CUL2: variants seen among roughly 807,000 people sequenced by gnomAD.
The protein encoded by CUL2 is cullin-2.
CUL2 carries 22 observed loss-of-function variants against 110.2 expected under a neutral mutation model. The observed-to-expected ratio is 0.20, with a 90% CI of 0.14 to 0.28. CUL2 has a LOEUF of 0.28. Among genes scored for constraint, CUL2 ranks in the 10% least tolerant of loss-of-function variants. CUL2 has a pLI of 1.00. For synonymous variants in CUL2, 279 were observed against 293.2 expected (o/e 0.95, Z 0.49); for missense variants, 631 against 905.5 (o/e 0.70, Z 3.89).
chr10:35,010,677 C>T (rs2084877777), intron 20 of CUL2, among the ~76,000 whole-genome samples: 1 of 152,198 alleles, frequency 6.6e-6, no homozygotes, highest in Non-Finnish European at 1.5e-5. Flanking sequence ...CAACCCCAAG[C>T]TTCTATTTAA....
chr10:35,107,754 C>A (rs1361970936), intron 1 of CUL2, among the ~76,000 whole-genome samples: 1 of 151,440 alleles, frequency 6.6e-6, no homozygotes, highest in Non-Finnish European at 1.5e-5. Flanking sequence ...TGGTGGCAGG[C>A]GCTTGTGGTC....
At chr10:35,041,113 A>C (rs192290577) in intron 8 of CUL2, among the ~76,000 whole-genome samples, 1 of 152,322 alleles carries the variant, frequency 6.6e-6, no homozygotes, top group Non-Finnish European at 1.5e-5. Context: ...TCAGCTAAGA[A>C]AGGCACTTTG....
intron 2 of CUL2, among the ~76,000 whole-genome samples, chr10:35,069,943 GA>G (rs1336962548): frequency 2.6e-5 from 4 of 152,138 alleles, no homozygotes; most frequent in Non-Finnish European, 4.4e-5. Flanking sequence ...ATGTTCCACA[GA>G]AAAATTAGCT....
chr10:35,030,714 T>C (rs1473329149), intron 14 of CUL2, among the ~76,000 whole-genome samples: 1 of 152,196 alleles, frequency 6.6e-6, no homozygotes, highest in African/African-American at 2.4e-5. Context: ...AAATTAAGTT[T>C]CTTTTTGGAG....
At chr10:35,048,836 G>T (rs2086018124) in intron 6 of CUL2, among the ~76,000 whole-genome samples, 1 of 152,144 alleles carries the variant, frequency 6.6e-6, no homozygotes, top group South Asian at 2.1e-4. Flanking sequence ...AGGCATAGGG[G>T]TGGGTGTGTG....
intron 17 of CUL2, among the ~76,000 whole-genome samples, chr10:35,019,161 T>G (rs2085122374): frequency 6.6e-6 from 1 of 152,152 alleles, no homozygotes; most frequent in Non-Finnish European, 1.5e-5. Flanking sequence ...CAGAAATAAG[T>G]AGAGAATTAT....
intron 17 of CUL2, among the ~76,000 whole-genome samples, chr10:35,021,279 C>T (rs537274271): frequency 7.6e-4 from 114 of 149,050 alleles, no homozygotes; most frequent in African/African-American, 2.0e-3. Flanking sequence ...TTTTTTGAGA[C>T]GGAGTCTTGC....
At chr10:35,044,470 C>A in intron 8 of CUL2, 96 bp downstream of exon 8, 1 of 677,130 alleles carries the variant, frequency 1.5e-6, no homozygotes, top group South Asian at 2.6e-5. Flanking sequence ...AATATTTTTC[C>A]ACCAAGAAAC....
chr10:35,031,427 T>G lies in CUL2; in HGVS notation c.1300-41A>C. ...TTTTAAAAGATTACTTCCTTTCTAA[T>G]GATTTAGCATTCAGAAATAAAGTTG... On this transcript the variant is annotated intron_variant, in intron 13 of 20. Coordinates refer to ENST00000374749, the MANE Select transcript of CUL2 (RefSeq NM_003591.4). This position sits in a 1 kb window ranked among gnomAD's most constrained non-coding sequence, Gnocchi z 4.4. The G allele has an allele frequency of 1.3e-6, 2 of 1,594,950 alleles. No homozygotes were observed. Among genetic ancestry groups the G allele is most frequent in the Non-Finnish European group, 1.7e-6 (2 of 1,169,404 alleles).
At chr10:35,052,300 A>C (rs1385160548) in intron 5 of CUL2, among the ~76,000 whole-genome samples, 3 of 152,034 alleles carry the variant, frequency 2.0e-5, no homozygotes, top group African/African-American at 7.2e-5. Flanking sequence ...TACATGAAAA[A>C]CTGGTATTTT....
chr10:35,032,638 C>G, intron 11 of CUL2, 144 bp from the exon 12 acceptor site: 1 of 559,590 alleles, frequency 1.8e-6, no homozygotes, highest in South Asian at 2.7e-5. Flanking sequence ...TATTTTCATG[C>G]CTAACATGGT....
At chr10:35,035,317 G>T in intron 9 of CUL2, 21 bp from the exon 10 acceptor site, 1 of 1,612,178 alleles carries the variant, frequency 6.2e-7, no homozygotes, top group Non-Finnish European at 8.5e-7. Context: ...AAAGACATCT[G>T]AGGGTTAACT....
chr10:35,063,032 A>T lies in CUL2; in HGVS notation c.150T>A (p.Pro50=), dbSNP rs762649687. The T allele has an allele frequency of 6.2e-7, 1 of 1,607,010 alleles. No individual in the cohort carries two copies. The highest frequency in any genetic ancestry group is 8.5e-7 in the Non-Finnish European group (1 of 1,174,238). ...SDIYALCVAY[P]EPLGERLYTE... is the part of the protein sequence containing the mutation. ...TATAAAGTCTTTCTCCAAGGGGTTCAGGATAGGCCACACATAAAGCATAGA... is the reference window on the plus strand; with the variant it reads ...TATAAAGTCTTTCTCCAAGGGGTTCTGGATAGGCCACACATAAAGCATAGA... The change falls in exon 3 of 21, where the codon CCT becomes CCA. Residue 50 remains proline, a synonymous_variant. Coordinates refer to ENST00000374749, the MANE Select transcript of CUL2 (RefSeq NM_003591.4).
At chr10:35,065,122 C>G (rs2086483843) in intron 2 of CUL2, among the ~76,000 whole-genome samples, 1 of 152,170 alleles carries the variant, frequency 6.6e-6, no homozygotes, top group African/African-American at 2.4e-5. Context: ...TTCTTTTTCT[C>G]TAACCTATTC....
intron 4 of CUL2, 43 bp downstream of exon 4, chr10:35,060,831 G>C: frequency 1.3e-6 from 2 of 1,497,656 alleles, no homozygotes; most frequent in South Asian, 1.2e-5. Flanking sequence ...ACTGAATGCA[G>C]GCAACGCTGC....
At position 35,042,540 on chromosome 10, in the gene CUL2, C is replaced by G. The variant is rs757455791; in HGVS notation, c.714+2026G>C. Among the ~76,000 whole-genome samples the G allele has an allele frequency of 3.4e-4, 52 of 152,140 alleles. 2 individuals carry two copies. The highest frequency in any genetic ancestry group is 3.2e-3 in the Admixed American group (49 of 15,280). Reference sequence around the variant, plus strand: ...CTCTAATCTTGCCCTACCTTTCTGACTGTGGGTCATAAGACCCTCCCCAGA... The same window carrying G: ...CTCTAATCTTGCCCTACCTTTCTGAGTGTGGGTCATAAGACCCTCCCCAGA... On this transcript the variant is annotated intron_variant, in intron 8 of 20. Coordinates refer to ENST00000374749, the MANE Select transcript of CUL2 (RefSeq NM_003591.4).
chr10:35,066,103 T>C (rs75455150), intron 2 of CUL2, among the ~76,000 whole-genome samples: 5,542 of 152,272 alleles, frequency 0.036, 145 homozygotes, highest in Non-Finnish European at 0.058. Context: ...TGTTCTCTAT[T>C]AAAAGGTGTT....
chr10:35,071,226 T>C lies in CUL2; in HGVS notation c.92A>G (p.Glu31Gly). Residue 31 changes from glutamate to glycine, a missense_variant, in exon 2 of 21, where the codon GAA becomes GGA. Transcript: ENST00000374749. The stretch of plus-strand genomic sequence containing the variant: ...GAAACGGTCATTCCATGTTGCTCTT[T>C]CGACGTATTCCAACATGACCACGGC... Reference protein sequence around the residue: ...IKAVVMLEYVERATWNDRFSD... With the variant: ...IKAVVMLEYVGRATWNDRFSD... 1 of 1,614,148 alleles carries C rather than the reference T, an allele frequency of 6.2e-7. No homozygotes were observed. Among genetic ancestry groups the C allele is most frequent in the Non-Finnish European group, 8.5e-7 (1 of 1,180,008 alleles).
chr10:35,115,646 C>A (rs1056399988), intron 1 of CUL2, among the ~76,000 whole-genome samples: 2 of 152,262 alleles, frequency 1.3e-5, no homozygotes, highest in African/African-American at 4.8e-5. Flanking sequence ...GTAAACTCAG[C>A]ACTTTGGGAG....
Sources: gnomAD v4.1 joint callset for allele counts (sites outside exome capture counted in the v4.1 genomes callset) on GRCh38, gnomAD v4.1.1 for gene constraint, Gnocchi (gnomAD v3.1) non-coding constraint, MANE v1.5 for transcripts, NCBI Gene and HGNC (gene_info 2026-07-23, HGNC 2026-07-21) for gene names.